Variants in STAU2 observed in about 807,000 individuals in gnomAD.
STAU2 encodes staufen double-stranded RNA binding protein 2.
A neutral mutation model predicts 65.9 loss-of-function variants in STAU2; 20 were observed. The observed-to-expected ratio is 0.30, with a 90% CI of 0.21 to 0.44. The LOEUF (loss-of-function observed/expected upper bound fraction) is 0.44, where lower values mean the gene tolerates loss of function less well. Among genes scored for constraint, STAU2 ranks in the 20% least tolerant of loss-of-function variants. The probability of loss-of-function intolerance (pLI) is 1.00; values close to 1 mark genes in which losing one functional copy is unlikely to be tolerated. For synonymous variants in STAU2, 232 were observed against 233.9 expected (o/e 0.99, Z 0.07); for missense variants, 558 against 683.9 (o/e 0.82, Z 2.05).
chr8:73,729,935 C>G (rs866840112), intron 3 of STAU2, among the ~76,000 whole-genome samples: 27 of 152,156 alleles, frequency 1.8e-4, no homozygotes, highest in African/African-American at 6.3e-4. Context: ...CTTTGTCAGT[C>G]TAGCAAAAGG....
intron 3 of STAU2, among the ~76,000 whole-genome samples, chr8:73,719,641 C>CAACCCCACATTCCTGGGATA: frequency 6.6e-6 from 1 of 152,136 alleles, no homozygotes; most frequent in Non-Finnish European, 1.5e-5. Flanking sequence ...AACACTAAAC[C>CAACCCCACATTCCTGGGATA]AACCCCACAT....
intron 12 of STAU2, among the ~76,000 whole-genome samples, chr8:73,560,993 TC>T (rs1347980429): frequency 2.0e-5 from 3 of 152,110 alleles, no homozygotes; most frequent in Non-Finnish European, 4.4e-5. Flanking sequence ...TCATCATTCA[TC>T]TTTTTTTTTT....
At chr8:73,720,214 T>A (rs1293881675) in intron 3 of STAU2, among the ~76,000 whole-genome samples, 2 of 148,868 alleles carry the variant, frequency 1.3e-5, no homozygotes, top group Non-Finnish European at 2.9e-5. Context: ...AAGGCCACAG[T>A]GAGCTATCAT....
chr8:73,421,438 C>T lies in STAU2; in HGVS notation c.1647G>A (p.Ala549=), dbSNP rs368365328. Residue 549 remains alanine (A), a synonymous_variant, in exon 15 of 15, where the codon GCG becomes GCA. Coordinates refer to ENST00000524300, the MANE Select transcript of STAU2 (RefSeq NM_001164380.2). ...EKQAKHLREK[A]DNNQAPPGSI... ...AGCCCGGGGGTGCCTGGTTATTGTC[C>T]GCTTTCTCTCTCAGATGCTTGGCTT... The T allele has an allele frequency of 5.9e-6, 9 of 1,537,132 alleles. No homozygotes were observed. Among genetic ancestry groups the T allele is most frequent in the African/African-American group, 2.7e-5 (2 of 73,026 alleles).
chr8:73,528,390 T>C (rs745759795), intron 13 of STAU2, among the ~76,000 whole-genome samples: 13 of 152,236 alleles, frequency 8.5e-5, no homozygotes, highest in Non-Finnish European at 1.8e-4. Context: ...ATCTTTCATT[T>C]AGTTAAATAC....
intron 6 of STAU2, 69 bp from the exon 7 acceptor site, chr8:73,617,520 G>T: frequency 1.4e-6 from 2 of 1,439,596 alleles, no homozygotes; most frequent in Admixed American, 1.9e-5. Flanking sequence ...CATAAGATTT[G>T]TTTAAAATGA....
intron 3 of STAU2, among the ~76,000 whole-genome samples, chr8:73,732,308 T>C (rs7015645): frequency 0.99 from 150,460 of 152,322 alleles, 74,309 homozygotes; most frequent in East Asian, 1. Flanking sequence ...GGGAAGGAGG[T>C]GGAGCCACAT....
chr8:73,650,901 C>T (rs1371958355), intron 6 of STAU2, among the ~76,000 whole-genome samples: 1 of 152,182 alleles, frequency 6.6e-6, no homozygotes, highest in Non-Finnish European at 1.5e-5. Flanking sequence ...TGTAAGGACT[C>T]TAAATGGGAG....
chr8:73,680,027 T>C (rs1331707404), intron 5 of STAU2, among the ~76,000 whole-genome samples: 2 of 135,094 alleles, frequency 1.5e-5, no homozygotes, highest in Admixed American at 1.6e-4. Flanking sequence ...CAGTGGTCCT[T>C]GGGGAAGGCA....
rs2130806931 is a variant in STAU2 at position 73,746,771 on chromosome 8, G to A, written c.-197+12C>T. The A allele has an allele frequency of 8.1e-7, 1 of 1,228,024 alleles. No homozygotes were observed. The highest frequency in any genetic ancestry group is 1.6e-5 in the African/African-American group (1 of 64,464). 76.1% of individuals were successfully genotyped at this position (1,228,024 alleles called of 1,614,324 possible). A position where few individuals can be genotyped will look rare whatever the true frequency, so the allele number is the denominator to read the frequency against. ...TCGGGGTCTCCCGGACGCCCCCGAT[G>A]AGGGTATTTACCTTCTTGCCGGGGA... On this transcript the variant is annotated intron_variant, in intron 1 of 14. Transcript: ENST00000524300.
intron 13 of STAU2, among the ~76,000 whole-genome samples, chr8:73,468,130 C>T (rs1000822033): frequency 1.3e-5 from 2 of 152,162 alleles, no homozygotes; most frequent in African/African-American, 4.8e-5. Context: ...TGGAACAGAA[C>T]AGAGCCCTCA....
chr8:73,615,642 G>GA (rs1812778409), intron 8 of STAU2, 33 bp downstream of exon 8: 6 of 1,535,412 alleles, frequency 3.9e-6, no homozygotes, highest in East Asian at 2.3e-5. Context: ...CACAGCAAGG[G>GA]AAAAAATGGG....
intron 5 of STAU2, among the ~76,000 whole-genome samples, chr8:73,688,144 A>G (rs1819070331): frequency 6.6e-6 from 1 of 151,806 alleles, no homozygotes; most frequent in Non-Finnish European, 1.5e-5. Context: ...TTTTAAAAAC[A>G]ATTACAATTA....
intron 12 of STAU2, among the ~76,000 whole-genome samples, chr8:73,569,653 T>A (rs1276645386): frequency 6.6e-6 from 1 of 152,124 alleles, no homozygotes; most frequent in Non-Finnish European, 1.5e-5. Context: ...CATTCTGCAA[T>A]ATTTGCTGTT....
intron 5 of STAU2, among the ~76,000 whole-genome samples, chr8:73,684,443 T>G (rs922693725): frequency 3.9e-5 from 6 of 152,180 alleles, no homozygotes; most frequent in Non-Finnish European, 7.3e-5. Context: ...ATCTCTCACT[T>G]GATATAAAAA....
At chr8:73,671,331 G>A (rs1212172131) in intron 6 of STAU2, among the ~76,000 whole-genome samples, 1 of 151,164 alleles carries the variant, frequency 6.6e-6, no homozygotes, top group Non-Finnish European at 1.5e-5. Flanking sequence ...AGTGAGCTGA[G>A]ACCACACCAT....
intron 13 of STAU2, among the ~76,000 whole-genome samples, chr8:73,461,818 C>G (rs16938668): frequency 0.31 from 47,802 of 151,882 alleles, 8,160 homozygotes; most frequent in East Asian, 0.54. Flanking sequence ...ACTGGACAGT[C>G]CCCAAGAACT....
intron 6 of STAU2, chr8:73,672,434 T>G (rs146906697): frequency 6.6e-6 from 1 of 152,150 alleles, no homozygotes; most frequent in Admixed American, 6.5e-5. Flanking sequence ...CGTGAGGCTA[T>G]ACGTATGTAA....
chr8:73,701,701 A>G (rs556005620), intron 4 of STAU2, among the ~76,000 whole-genome samples: 23 of 152,278 alleles, frequency 1.5e-4, no homozygotes, highest in Middle Eastern at 3.4e-3. Flanking sequence ...AAATAGAACT[A>G]CCATGCAATC....
Sources: gnomAD v4.1 joint callset for allele counts (sites outside exome capture counted in the v4.1 genomes callset) on GRCh38, gnomAD v4.1.1 for gene constraint, MANE v1.5 for transcripts, NCBI Gene and HGNC (gene_info 2026-07-23, HGNC 2026-07-21) for gene names.